Variants in HPR observed in about 807,000 individuals in gnomAD.
The protein encoded by HPR is haptoglobin-related protein.
HPR carries 17 observed loss-of-function variants against 18.5 expected under a neutral mutation model. That is an observed-to-expected ratio of 0.92 (90% CI 0.63 to 1.38). The LOEUF (loss-of-function observed/expected upper bound fraction) is 1.38, where lower values mean the gene tolerates loss of function less well. HPR is among the 40% of genes most tolerant of loss of function. The pLI is 0.00. For missense variants in HPR, 457 were observed against 432.4 expected (o/e 1.06, Z -0.51); for synonymous variants, 176 against 165.0 (o/e 1.07, Z -0.51).
chr16:72,075,839 T>C (rs1961267744), intron 4 of HPR, among the ~76,000 whole-genome samples: 1 of 151,672 alleles, frequency 6.6e-6, no homozygotes, highest in Admixed American at 6.6e-5. Context: ...CTTTCTTTTT[T>C]TTTTTTTTTG....
At chr16:72,068,833 G>A (rs2041624669) in intron 1 of HPR, among the ~76,000 whole-genome samples, 1 of 152,130 alleles carries the variant, frequency 6.6e-6, no homozygotes, top group Admixed American at 6.5e-5. Context: ...GCAGGAAGGT[G>A]ACTAACTGAC....
At chr16:72,071,684 G>A (rs1303426821) in intron 1 of HPR, among the ~76,000 whole-genome samples, 2 of 152,208 alleles carry the variant, frequency 1.3e-5, no homozygotes, top group Non-Finnish European at 2.9e-5. Flanking sequence ...TCCTCGAGCG[G>A]ATGTATGGTG....
At chr16:72,066,388 T>C (rs565253771) in intron 1 of HPR, among the ~76,000 whole-genome samples, 9 of 152,120 alleles carry the variant, frequency 5.9e-5, no homozygotes, top group Non-Finnish European at 1.0e-4. Flanking sequence ...GCTATGGCAA[T>C]TTGGGAACAT....
intron 1 of HPR, among the ~76,000 whole-genome samples, chr16:72,065,105 C>A (rs2041584230): frequency 6.6e-6 from 1 of 152,150 alleles, no homozygotes; most frequent in African/African-American, 2.4e-5. Flanking sequence ...GTGAATGAGT[C>A]CAATCTGTGG....
rs1482388866 is a variant in HPR at position 72,074,084 on chromosome 16, T to C, written c.91+107T>C. The C allele has an allele frequency of 2.0e-6, 3 of 1,480,552 alleles. No homozygotes were observed. The African/African-American group carries it at 4.1e-5, about 20-fold the overall frequency. The allele number at this position is 1,480,552 out of a possible 1,614,324, so 91.7% of individuals were successfully genotyped here. On this transcript the variant is annotated intron_variant, in intron 2 of 4. Coordinates refer to ENST00000540303, the MANE Select transcript of HPR (RefSeq NM_020995.4). ...TTTGAGAACACACAGTTCCCCATTC[T>C]TATCCTGACCTCTGGGCTTTCAGGA...
chr16:72,076,923 G>T lies in HPR; in HGVS notation c.889G>T (p.Ala297Ser), dbSNP rs754874883. 2.5e-5 allele frequency: 40 copies of T among 1,614,244 alleles called. No homozygotes were observed. Among genetic ancestry groups the T allele is most frequent in the Non-Finnish European group, 3.3e-5 (39 of 1,180,048 alleles). ...KYQEDTCYGD[A>S]GSAFAVHDLE... The stretch of plus-strand genomic sequence containing the variant: ...CCAGGAAGACACCTGCTATGGCGAT[G>T]CGGGCAGTGCCTTTGCCGTTCACGA... Residue 297 changes from alanine to serine, a missense_variant, in exon 5 of 5, where the codon GCG (alanine) becomes TCG (serine). By Grantham distance (99) the Ala-to-Ser change is moderately conservative (BLOSUM62 1). Transcript: ENST00000540303.
chr16:72,075,442 T>C (rs1382509384), intron 4 of HPR, among the ~76,000 whole-genome samples: 1 of 152,190 alleles, frequency 6.6e-6, no homozygotes, highest in Non-Finnish European at 1.5e-5. Context: ...ACTGGCTGAA[T>C]CCACTGTCGG....
intron 1 of HPR, among the ~76,000 whole-genome samples, chr16:72,069,418 C>T (rs2041632123): frequency 6.6e-6 from 1 of 152,168 alleles, no homozygotes; most frequent in Non-Finnish European, 1.5e-5. Context: ...TCCTCCGAAA[C>T]ACCTATGTTT....
intron 1 of HPR, among the ~76,000 whole-genome samples, chr16:72,067,220 T>C (rs2144062822): frequency 6.6e-6 from 1 of 152,302 alleles, no homozygotes; most frequent in African/African-American, 2.4e-5. Flanking sequence ...GAGCCCTTGA[T>C]AAATTTGGAG....
intron 3 of HPR, chr16:72,074,603 T>C: frequency 4.2e-6 from 3 of 718,044 alleles, no homozygotes; most frequent in Middle Eastern, 2.3e-4. Flanking sequence ...GGGGAGGTGA[T>C]GCCATGCAGC....
At chr16:72,072,646 T>A (rs1181517855) in intron 1 of HPR, among the ~76,000 whole-genome samples, 1 of 152,122 alleles carries the variant, frequency 6.6e-6, no homozygotes, top group Non-Finnish European at 1.5e-5. Context: ...GCCATCAGAA[T>A]AGGGTTGCTT....
intron 1 of HPR, among the ~76,000 whole-genome samples, chr16:72,071,994 A>C (rs2041661683): frequency 1.3e-5 from 2 of 151,834 alleles, no homozygotes; most frequent in Admixed American, 1.3e-4. Context: ...GATAAACTAC[A>C]TTTATTACAA....
chr16:72,064,257 G>A (rs1266910493), intron 1 of HPR, among the ~76,000 whole-genome samples: 2 of 152,254 alleles, frequency 1.3e-5, no homozygotes, highest in East Asian at 3.9e-4. Flanking sequence ...CCACATAAGT[G>A]TTTAAAATTA....
intron 4 of HPR, among the ~76,000 whole-genome samples, chr16:72,075,911 G>C (rs1168224453): frequency 6.6e-6 from 1 of 151,380 alleles, no homozygotes; most frequent in Non-Finnish European, 1.5e-5. Context: ...CTGACCTCAG[G>C]TGATCCAACT....
Position 72,076,635 on chromosome 16 carries a change from A to G in HPR, c.601A>G (p.Asn201Asp), listed in dbSNP as rs767968569. ...LIKLKQKVLV[N>D]ERVMPICLPS... ...CAAACTCAAACAGAAGGTGCTTGTT[A>G]ATGAGAGAGTGATGCCCATCTGCCT... is the stretch of plus-strand genomic sequence containing the variant. Residue 201 changes from asparagine to aspartate, a missense_variant, in exon 5 of 5, where the codon AAT (asparagine) becomes GAT (aspartate). Physicochemically the swap from Asn to Asp is conservative, Grantham distance 23. Coordinates refer to ENST00000540303, the MANE Select transcript of HPR (RefSeq NM_020995.4). 7 of 1,614,180 alleles carry G rather than the reference A, an allele frequency of 4.3e-6. No individual in the cohort carries two copies. The Admixed American group carries it at 1.2e-4, about 27-fold the overall frequency.
chr16:72,076,779 T>C lies in HPR; in HGVS notation c.745T>C (p.Tyr249His). 4.3e-6 allele frequency: 7 copies of C among 1,614,142 alleles called. No individual in the cohort carries two copies. The highest frequency in any genetic ancestry group is 5.9e-6 in the Non-Finnish European group (7 of 1,180,000). ...TGTCATGCTGCCTGTGGCTGACCAA[T>C]ACGATTGCATAACGCATTATGAAGG... ...KYVMLPVADQ[Y>H]DCITHYEGST... is the part of the protein sequence containing the mutation. Residue 249 changes from tyrosine to histidine, a missense_variant, in exon 5 of 5, where the codon TAC (tyrosine) becomes CAC (histidine). Tyr to His is a moderately conservative substitution (Grantham distance 83). Coordinates refer to ENST00000540303, the MANE Select transcript of HPR (RefSeq NM_020995.4).
chr16:72,066,351 G>A (rs777630588), intron 1 of HPR, among the ~76,000 whole-genome samples: 6 of 152,152 alleles, frequency 3.9e-5, no homozygotes, highest in Non-Finnish European at 5.9e-5. Context: ...CTTTTCAGGG[G>A]AGGAAAGAAG....
At position 72,076,793 on chromosome 16, in the gene HPR, G is replaced by A. The variant is rs533202695; in HGVS notation, c.759G>A (p.Thr253=). 2,621 of 1,614,218 alleles carry A rather than the reference G, an allele frequency of 1.6e-3. 56 individuals carry two copies. In the South Asian group the frequency reaches 0.027, roughly 17 times the overall value. Residue 253 remains threonine (T), a synonymous_variant, in exon 5 of 5, where the codon ACG becomes ACA. Coordinates refer to ENST00000540303, the MANE Select transcript of HPR (RefSeq NM_020995.4). Reference sequence around the variant, plus strand: ...TGGCTGACCAATACGATTGCATAACGCATTATGAAGGCAGCACATGCCCCA... The same window carrying A: ...TGGCTGACCAATACGATTGCATAACACATTATGAAGGCAGCACATGCCCCA... ...LPVADQYDCI[T]HYEGSTCPKW... is the part of the protein sequence containing the mutation.
chr16:72,069,173 TTC>T (rs1351605654), intron 1 of HPR, among the ~76,000 whole-genome samples: 31 of 152,290 alleles, frequency 2.0e-4, no homozygotes, highest in African/African-American at 7.2e-4. Context: ...TCTATACTGA[TTC>T]TAAGTATGCC....
Sources: allele counts gnomAD v4.1 joint callset (sites outside exome capture counted in the v4.1 genomes callset), GRCh38; gene constraint gnomAD v4.1.1; transcripts MANE v1.5; gene names NCBI Gene and HGNC (gene_info 2026-07-23, HGNC 2026-07-21).